Variants in SIPA1L1 observed in about 807,000 individuals in gnomAD.
The protein encoded by SIPA1L1 is signal induced proliferation associated 1 like 1.
SIPA1L1 carries 26 observed loss-of-function variants against 162.7 expected under a neutral mutation model. The observed-to-expected ratio is 0.16, with a 90% CI of 0.12 to 0.22. The LOEUF is 0.22. Ranked by LOEUF, SIPA1L1 falls within the 10% of genes least tolerant of loss-of-function variation. The pLI is 1.00. For synonymous variants in SIPA1L1, 829 were observed against 837.4 expected (o/e 0.99, Z 0.17); for missense variants, 1,874 against 2,241.0 (o/e 0.84, Z 3.31).
At chr14:71,719,684 G>A (rs2083543016) in intron 17 of SIPA1L1, among the ~76,000 whole-genome samples, 1 of 152,078 alleles carries the variant, frequency 6.6e-6, no homozygotes, top group South Asian at 2.1e-4. Context: ...GTAGAGACAG[G>A]GTTTCATCAT....
chr14:71,436,519 C>T (rs1336227792), intron 2 of SIPA1L1, among the ~76,000 whole-genome samples: 1 of 152,126 alleles, frequency 6.6e-6, no homozygotes, highest in East Asian at 1.9e-4. Context: ...ATCTTTTCCA[C>T]ACTGATGTCA....
chr14:71,511,811 A>G (rs961404827), intron 2 of SIPA1L1, among the ~76,000 whole-genome samples: 1 of 152,180 alleles, frequency 6.6e-6, no homozygotes, highest in Admixed American at 6.5e-5. Flanking sequence ...CGTTAGCTCC[A>G]TGGAGGAAAG....
chr14:71,382,431 C>T (rs138446872), intron 2 of SIPA1L1, among the ~76,000 whole-genome samples: 100 of 152,222 alleles, frequency 6.6e-4, no homozygotes, highest in African/African-American at 2.3e-3. Context: ...TTTGTAAATA[C>T]GTAACAGAAA....
chr14:71,461,716 A>T (rs1390199592), intron 2 of SIPA1L1, among the ~76,000 whole-genome samples: 1 of 152,246 alleles, frequency 6.6e-6, no homozygotes, highest in Non-Finnish European at 1.5e-5. Flanking sequence ...GTGCACAACC[A>T]GGTGCACTGC....
At chr14:71,473,818 A>G (rs1273975476) in intron 2 of SIPA1L1, among the ~76,000 whole-genome samples, 1 of 152,228 alleles carries the variant, frequency 6.6e-6, no homozygotes, top group Non-Finnish European at 1.5e-5. Flanking sequence ...ATGTTTTCCA[A>G]ATAAGTGCAT....
At chr14:71,669,235 A>C (rs2044298105) in intron 10 of SIPA1L1, among the ~76,000 whole-genome samples, 1 of 152,144 alleles carries the variant, frequency 6.6e-6, no homozygotes, top group South Asian at 2.1e-4. Flanking sequence ...CTCACAGTTC[A>C]TTATAGCTGT....
chr14:71,452,028 T>A (rs2045865747), intron 2 of SIPA1L1, among the ~76,000 whole-genome samples: 2 of 152,356 alleles, frequency 1.3e-5, no homozygotes, highest in East Asian at 1.9e-4. Flanking sequence ...TACTTGCTTA[T>A]AAGTTAAAAA....
In SIPA1L1 at chr14:71,432,872, A is replaced by G. The variant is rs562583270; in HGVS notation, c.-464-79871A>G. On this transcript the variant is annotated intron_variant, in intron 2 of 23. Coordinates refer to ENST00000381232, the MANE Select transcript of SIPA1L1 (RefSeq NM_001386936.1). ...TGCCCCTGATTTGTAATCAAATACTATTTTGTTTTTGTGGCTGGGCTGCTA... is the reference window on the plus strand; with the variant it reads ...TGCCCCTGATTTGTAATCAAATACTGTTTTGTTTTTGTGGCTGGGCTGCTA... Among the ~76,000 whole-genome samples, 87 of 152,102 alleles carry G rather than the reference A, an allele frequency of 5.7e-4. 1 individual carries two copies. The highest frequency in any genetic ancestry group is 9.3e-4 in the Non-Finnish European group (63 of 68,018).
intron 4 of SIPA1L1, among the ~76,000 whole-genome samples, chr14:71,544,274 TA>T (rs2054938338): frequency 9.3e-6 from 1 of 107,370 alleles, no homozygotes; most frequent in Non-Finnish European, 2.5e-5. Context: ...TATGTGTATA[TA>T]CATATGTGTA....
At chr14:71,513,485 TTTTTG>T (rs927325740) in intron 3 of SIPA1L1, among the ~76,000 whole-genome samples, 3 of 151,966 alleles carry the variant, frequency 2.0e-5, no homozygotes, top group Non-Finnish European at 2.9e-5. Context: ...TATTGACCGA[TTTTTG>T]TTTTGTTTTG....
At chr14:71,410,915 C>G (rs557836026) in intron 2 of SIPA1L1, among the ~76,000 whole-genome samples, 3 of 152,168 alleles carry the variant, frequency 2.0e-5, no homozygotes, top group Non-Finnish European at 4.4e-5. Context: ...TCCCCCCTCC[C>G]TCCATACCTG....
At chr14:71,418,005 A>T (rs939930961) in intron 2 of SIPA1L1, 1 of 152,188 alleles carries the variant, frequency 6.6e-6, no homozygotes, top group Non-Finnish European at 1.5e-5. Flanking sequence ...TTAGCCTAAC[A>T]AACATTTTTA....
chr14:71,588,629 A>G lies in SIPA1L1; in HGVS notation c.757A>G (p.Lys253Glu). The change falls in exon 5 of 24, where the codon AAG (lysine) becomes GAG (glutamate). Residue 253 changes from lysine to glutamate, a missense_variant. This residue lies in a region of SIPA1L1 where 685 missense variants were observed against 828.0 expected (regional missense o/e 0.83). Coordinates refer to ENST00000381232, the MANE Select transcript of SIPA1L1 (RefSeq NM_001386936.1). The surrounding 1 kb of genome is among the most constrained non-coding windows in gnomAD (Gnocchi z 4.3). ...TGACTTTCTCATTACTGGTGGTGGC[A>G]AGGGTTCTGGTTTCTCTTTGGATGT... The part of the protein sequence containing the change: ...LSDFLITGGG[K>E]GSGFSLDVID... 6.2e-7 allele frequency: 1 copy of G among 1,614,114 alleles called. No individual in the cohort carries two copies. Among genetic ancestry groups the G allele is most frequent in the Non-Finnish European group, 8.5e-7 (1 of 1,179,982 alleles).
At chr14:71,464,985 A>G (rs368084683) in intron 2 of SIPA1L1, among the ~76,000 whole-genome samples, 1 of 152,130 alleles carries the variant, frequency 6.6e-6, no homozygotes, top group South Asian at 2.1e-4. Context: ...AGGGGAGGCT[A>G]TCACTGTTGC....
At chr14:71,333,946 T>C (rs1240064775) in intron 2 of SIPA1L1, among the ~76,000 whole-genome samples, 1 of 152,164 alleles carries the variant, frequency 6.6e-6, no homozygotes, top group Non-Finnish European at 1.5e-5. Flanking sequence ...AATGATTCAC[T>C]GGTGGGTGAG....
chr14:71,598,509 A>G (rs1029304204), intron 5 of SIPA1L1, among the ~76,000 whole-genome samples: 2 of 152,210 alleles, frequency 1.3e-5, no homozygotes, highest in South Asian at 4.1e-4. Flanking sequence ...CCCCAGCCCA[A>G]TCACTTGAAA....
At chr14:71,700,867 G>A (rs2082035510) in intron 14 of SIPA1L1, among the ~76,000 whole-genome samples, 1 of 151,678 alleles carries the variant, frequency 6.6e-6, no homozygotes, top group African/African-American at 2.4e-5. Flanking sequence ...GGTGGCGGGT[G>A]CCCGCAGTCC....
intron 9 of SIPA1L1, among the ~76,000 whole-genome samples, chr14:71,659,162 A>G (rs981868056): frequency 5.3e-5 from 8 of 152,358 alleles, no homozygotes; most frequent in African/African-American, 1.9e-4. Context: ...TAAAAGAACC[A>G]GAGAGCTAAC....
intron 12 of SIPA1L1, among the ~76,000 whole-genome samples, chr14:71,678,733 C>CCT (rs2045479413): frequency 6.6e-6 from 1 of 151,138 alleles, no homozygotes; most frequent in Non-Finnish European, 1.5e-5. Context: ...CCTCCTTGTA[C>CCT]CTCTGGTAGA....
Sources: allele counts gnomAD v4.1 joint callset (sites outside exome capture counted in the v4.1 genomes callset), GRCh38; gene constraint gnomAD v4.1.1; regional missense constraint gnomAD v4.1.1; non-coding constraint Gnocchi (gnomAD v3.1); transcripts MANE v1.5; gene names NCBI Gene and HGNC (gene_info 2026-07-23, HGNC 2026-07-21).